RNF150: variants seen among roughly 807,000 people sequenced by gnomAD.
The protein encoded by RNF150 is ring finger protein 150.
RNF150 carries 24 observed loss-of-function variants against 39.3 expected under a neutral mutation model. The ratio of observed to expected loss-of-function variants is 0.61; its 90% confidence interval spans 0.44 to 0.86. RNF150 has a LOEUF of 0.86. Ranked by LOEUF, RNF150 falls within the 40% of genes least tolerant of loss-of-function variation. The pLI, the probability that RNF150 is intolerant of heterozygous loss-of-function variation, is 0.00. For synonymous variants in RNF150, 255 were observed against 227.3 expected (o/e 1.12, Z -1.10); for missense variants, 502 against 587.8 (o/e 0.85, Z 1.51).
intron 1 of RNF150, among the ~76,000 whole-genome samples, chr4:141,131,976 C>A (rs1726901387): frequency 6.6e-6 from 1 of 152,074 alleles, no homozygotes; most frequent in Non-Finnish European, 1.5e-5. Flanking sequence ...CTACTGGTTC[C>A]AAACAGGTGC....
intron 1 of RNF150, among the ~76,000 whole-genome samples, chr4:141,041,882 G>A (rs1053996173): frequency 2.6e-5 from 4 of 152,006 alleles, no homozygotes; most frequent in African/African-American, 9.7e-5. Flanking sequence ...CTAATTGTGA[G>A]TACATCTTAT....
intron 1 of RNF150, among the ~76,000 whole-genome samples, chr4:140,995,585 G>A (rs375217603): frequency 2.6e-5 from 4 of 152,148 alleles, no homozygotes; most frequent in East Asian, 1.9e-4. Context: ...AGCTGCTTCC[G>A]CCCCATCCCT....
At chr4:140,962,065 T>TCTC (rs142561257) in intron 2 of RNF150, among the ~76,000 whole-genome samples, 1 of 149,084 alleles carries the variant, frequency 6.7e-6, no homozygotes, top group African/African-American at 2.5e-5. Flanking sequence ...TCTCTCTCTC[T>TCTC]TCTCTCTCTC....
At chr4:140,972,233 T>C (rs114471742) in intron 1 of RNF150, among the ~76,000 whole-genome samples, 1,756 of 152,272 alleles carry the variant, frequency 0.012, 40 homozygotes, top group African/African-American at 0.04. Context: ...GAGGAATGTG[T>C]ATGAAATTAT....
At chr4:140,895,859 A>C (rs539391035) in intron 6 of RNF150, among the ~76,000 whole-genome samples, 1 of 152,186 alleles carries the variant, frequency 6.6e-6, no homozygotes, top group Non-Finnish European at 1.5e-5. Context: ...ATTTTTAAAG[A>C]ATTTTTTTTC....
intron 6 of RNF150, among the ~76,000 whole-genome samples, chr4:140,883,565 T>G (rs1463635646): frequency 1.3e-5 from 2 of 152,148 alleles, no homozygotes; most frequent in Non-Finnish European, 2.9e-5. Context: ...TGGTTGACAT[T>G]TTTTTCCCTT....
chr4:140,961,822 T>G (rs568496707), intron 2 of RNF150, among the ~76,000 whole-genome samples: 1 of 152,164 alleles, frequency 6.6e-6, no homozygotes, highest in Admixed American at 6.6e-5. Context: ...TGAACCACTT[T>G]CATACCACTA....
chr4:141,045,574 G>A (rs7681997), intron 1 of RNF150, among the ~76,000 whole-genome samples: 31,279 of 151,204 alleles, frequency 0.21, 3,305 homozygotes, highest in Middle Eastern at 0.29. Flanking sequence ...ACGGAGTTTC[G>A]TTCTTGTTGC....
chr4:141,166,762 C>G (rs1727612673), intron 1 of RNF150, among the ~76,000 whole-genome samples: 1 of 152,098 alleles, frequency 6.6e-6, no homozygotes, highest in African/African-American at 2.4e-5. Context: ...GCTAAAAACA[C>G]TCAATAAACT....
intron 1 of RNF150, among the ~76,000 whole-genome samples, chr4:141,086,494 T>C (rs1156384128): frequency 2.0e-5 from 3 of 152,116 alleles, no homozygotes; most frequent in African/African-American, 4.8e-5. Context: ...CCAGCTTGCT[T>C]TTAATTAGTA....
chr4:140,963,114 T>C (rs1321292363), intron 2 of RNF150, among the ~76,000 whole-genome samples: 1 of 152,050 alleles, frequency 6.6e-6, no homozygotes, highest in Non-Finnish European at 1.5e-5. Context: ...AATTTTTCTA[T>C]GATTGTGAAA....
chr4:141,104,414 C>G (rs1739129251), intron 1 of RNF150, among the ~76,000 whole-genome samples: 1 of 152,156 alleles, frequency 6.6e-6, no homozygotes. Context: ...GTAGTCAGAG[C>G]TGAGCAGCAA....
intron 1 of RNF150, among the ~76,000 whole-genome samples, chr4:141,198,945 C>T (rs1234900610): frequency 6.6e-6 from 1 of 152,114 alleles, no homozygotes; most frequent in African/African-American, 2.4e-5. Context: ...AATTTACAGA[C>T]TGGAAGAAAA....
intron 1 of RNF150, among the ~76,000 whole-genome samples, chr4:140,999,725 A>G (rs901104862): frequency 6.6e-6 from 1 of 151,976 alleles, no homozygotes; most frequent in East Asian, 1.9e-4. Flanking sequence ...ACCTGAGGTC[A>G]GGAGTTTGAG....
At chr4:140,890,302 C>CA (rs761130380) in intron 6 of RNF150, among the ~76,000 whole-genome samples, 23 of 151,922 alleles carry the variant, frequency 1.5e-4, no homozygotes, top group Non-Finnish European at 2.4e-4. Flanking sequence ...TTAACTGCTA[C>CA]AAAAAAAACT....
intron 5 of RNF150, among the ~76,000 whole-genome samples, chr4:140,916,416 G>T (rs183859332): frequency 6.6e-6 from 1 of 152,286 alleles, no homozygotes; most frequent in East Asian, 1.9e-4. Flanking sequence ...CTCAGTAACC[G>T]ATGTGATCAA....
chr4:141,096,135 C>T (rs563169134), intron 1 of RNF150, among the ~76,000 whole-genome samples: 1 of 148,986 alleles, frequency 6.7e-6, no homozygotes, highest in African/African-American at 2.5e-5. Flanking sequence ...TTTGGTAACA[C>T]AGGAGTGGTG....
At chr4:141,036,992 C>A (rs1736172445) in intron 1 of RNF150, among the ~76,000 whole-genome samples, 1 of 152,170 alleles carries the variant, frequency 6.6e-6, no homozygotes, top group Admixed American at 6.6e-5. Flanking sequence ...GAGTTCCAGG[C>A]TTTCACCCTC....
chr4:140,972,787 A>G (rs17006736), intron 1 of RNF150, among the ~76,000 whole-genome samples: 1,685 of 152,286 alleles, frequency 0.011, 40 homozygotes, highest in African/African-American at 0.038. Context: ...TTGAGGACTG[A>G]ACTCATTCCT....
Sources: allele counts gnomAD v4.1 joint callset (sites outside exome capture counted in the v4.1 genomes callset), GRCh38; gene constraint gnomAD v4.1.1; transcripts MANE v1.5; gene names NCBI Gene and HGNC (gene_info 2026-07-23, HGNC 2026-07-21).